TULP3: variants seen among roughly 807,000 people sequenced by gnomAD.
TULP3 encodes TUB like protein 3.
TULP3 carries 38 observed loss-of-function variants against 50.7 expected under a neutral mutation model. The observed-to-expected ratio is 0.75, with a 90% CI of 0.58 to 0.98. The LOEUF (loss-of-function observed/expected upper bound fraction) is 0.98. Among genes scored for constraint, TULP3 ranks in the 50% least tolerant of loss-of-function variants. TULP3 has a pLI of 0.00. For synonymous variants in TULP3, 183 were observed against 196.6 expected, an observed-to-expected ratio of 0.93 and a Z score of 0.58; for missense variants, 550 against 568.0, an observed-to-expected ratio of 0.97 and a Z score of 0.32.
chr12:2,893,350 C>T (rs2098173411), intron 1 of TULP3, among the ~76,000 whole-genome samples: 5 of 129,248 alleles, frequency 3.9e-5, no homozygotes, highest in African/African-American at 1.2e-4. Flanking sequence ...TTTTTCCAAA[C>T]GGAGTTTCGC....
chr12:2,894,365 AT>A (rs2098174173), intron 1 of TULP3, among the ~76,000 whole-genome samples: 1 of 151,300 alleles, frequency 6.6e-6, no homozygotes, highest in Admixed American at 6.6e-5. Flanking sequence ...GAGAAACCCT[AT>A]CTCTACTAAA....
chr12:2,903,878 G>A (rs903735490), intron 1 of TULP3, among the ~76,000 whole-genome samples: 4 of 151,982 alleles, frequency 2.6e-5, no homozygotes, highest in Admixed American at 2.6e-4. Context: ...CCGCCTCCCG[G>A]GTTCAAGCGA....
intron 9 of TULP3, 108 bp downstream of exon 9, chr12:2,937,837 A>G: frequency 3.0e-6 from 3 of 991,426 alleles, no homozygotes; most frequent in Non-Finnish European, 4.4e-6. Flanking sequence ...AGAGCCCCAC[A>G]CTGGAGATAG....
At chr12:2,909,691 G>T in intron 2 of TULP3, 111 bp downstream of exon 2, 1 of 1,138,966 alleles carries the variant, frequency 8.8e-7, no homozygotes, top group Non-Finnish European at 1.3e-6. Flanking sequence ...CTGGAAAGGA[G>T]AAGGCTCGGG....
intron 4 of TULP3, among the ~76,000 whole-genome samples, chr12:2,922,852 A>G (rs1015877474): frequency 1.8e-5 from 2 of 112,276 alleles, no homozygotes; most frequent in East Asian, 2.9e-4. Context: ...TTTTAGAAAA[A>G]TAATTTTTTT....
At chr12:2,933,314 G>T in intron 6 of TULP3, 104 bp from the exon 7 acceptor site, 1 of 694,630 alleles carries the variant, frequency 1.4e-6, no homozygotes, top group African/African-American at 1.8e-5. Context: ...CATATGCTGA[G>T]GACTTGCTAA....
intron 8 of TULP3, 123 bp from the exon 9 acceptor site, chr12:2,937,508 C>A: frequency 1.3e-6 from 1 of 751,026 alleles, no homozygotes. Flanking sequence ...TGATCCACTG[C>A]CCCGGCTGAT....
At chr12:2,926,494 T>C (rs772593541) in intron 4 of TULP3, among the ~76,000 whole-genome samples, 1 of 152,186 alleles carries the variant, frequency 6.6e-6, no homozygotes, top group Non-Finnish European at 1.5e-5. Flanking sequence ...CAAAAAATAA[T>C]AAGTTAGTAT....
rs2098176976 is a variant in TULP3, at chr12:2,898,630, A to G, written c.41+7642A>G. On this transcript the variant is annotated intron_variant, in intron 1 of 10. Coordinates refer to ENST00000448120, the MANE Select transcript of TULP3 (RefSeq NM_003324.5). Reference sequence around the variant, plus strand: ...TCTATTTCAATAAGACTTTATGGACACTGGAATTTGAAGACTTTTTTCTTT... The same window carrying G: ...TCTATTTCAATAAGACTTTATGGACGCTGGAATTTGAAGACTTTTTTCTTT... Among the ~76,000 whole-genome samples, 4 of 152,310 alleles carry G rather than the reference A, an allele frequency of 2.6e-5. No homozygotes were observed. The South Asian group carries it at 6.2e-4, about 24-fold the overall frequency.
intron 1 of TULP3, 61 bp from the exon 2 acceptor site, chr12:2,909,468 G>C (rs966556647): frequency 1.5e-5 from 22 of 1,494,428 alleles, no homozygotes; most frequent in Admixed American, 6.4e-5. Context: ...TACATAAAAA[G>C]ATGAAATTGA....
chr12:2,921,009 A>G, intron 3 of TULP3, 87 bp downstream of exon 3: 1 of 1,499,868 alleles, frequency 6.7e-7, no homozygotes, highest in East Asian at 2.3e-5. Context: ...GACCAAAGGG[A>G]CAATATTATT....
chr12:2,912,787 G>C (rs972458737), intron 2 of TULP3, among the ~76,000 whole-genome samples: 2 of 152,260 alleles, frequency 1.3e-5, no homozygotes, highest in African/African-American at 4.8e-5. Context: ...TTCGAAATCA[G>C]AGCAGGTAGA....
intron 2 of TULP3, among the ~76,000 whole-genome samples, chr12:2,911,356 ATT>A (rs879759940): frequency 1.4e-5 from 2 of 144,216 alleles, no homozygotes. Context: ...TAGTCAGTGA[ATT>A]TTTTTTTTTT....
intron 2 of TULP3, among the ~76,000 whole-genome samples, chr12:2,911,508 A>G (rs2098185516): frequency 6.9e-6 from 1 of 144,428 alleles, no homozygotes; most frequent in South Asian, 2.3e-4. Flanking sequence ...GCCTGCCACC[A>G]CGCCAGGCTA....
intron 8 of TULP3, among the ~76,000 whole-genome samples, chr12:2,936,587 A>AG (rs905042694): frequency 1.3e-5 from 2 of 151,170 alleles, no homozygotes; most frequent in African/African-American, 4.9e-5. Context: ...ACTAAAAAAA[A>AG]AAAAAAAATA....
At chr12:2,899,992 G>T (rs34602918) in intron 1 of TULP3, among the ~76,000 whole-genome samples, 1 of 150,222 alleles carries the variant, frequency 6.7e-6, no homozygotes, top group Non-Finnish European at 1.5e-5. Context: ...AGGCAGGCGC[G>T]TCACCTGAGA....
At chr12:2,917,427 G>A (rs568560510) in intron 2 of TULP3, among the ~76,000 whole-genome samples, 2 of 150,984 alleles carry the variant, frequency 1.3e-5, no homozygotes, top group African/African-American at 2.4e-5. Context: ...AGCCGAGATC[G>A]CACCACTGCA....
intron 2 of TULP3, among the ~76,000 whole-genome samples, chr12:2,919,690 A>G (rs2098190617): frequency 1.3e-5 from 2 of 152,044 alleles, no homozygotes; most frequent in South Asian, 4.1e-4. Context: ...ATTTCTATAT[A>G]TTATAAACCC....
rs538312965 is a variant in TULP3 at position 2,939,464 on chromosome 12, G to T, written c.*20G>T. 1 of 1,613,346 alleles carries T rather than the reference G, an allele frequency of 6.2e-7. No individual in the cohort carries two copies. The highest frequency in any genetic ancestry group is 1.3e-5 in the African/African-American group (1 of 74,894). ...GAATGAGAGAACAGTCAGGCAGGGA[G>T]CCCTTCTCCCCACAGAGCTTTCAGG... is the stretch of plus-strand genomic sequence containing the variant. On this transcript the variant is annotated 3_prime_UTR_variant, in exon 11 of 11. Coordinates refer to ENST00000448120, the MANE Select transcript of TULP3 (RefSeq NM_003324.5). The surrounding 1 kb of genome is among the most constrained non-coding windows in gnomAD (Gnocchi z 4.0).
Sources: allele counts gnomAD v4.1 joint callset (sites outside exome capture counted in the v4.1 genomes callset), GRCh38; gene constraint gnomAD v4.1.1; non-coding constraint Gnocchi (gnomAD v3.1); transcripts MANE v1.5; gene names NCBI Gene and HGNC (gene_info 2026-07-23, HGNC 2026-07-21).